MYO16: variants seen among roughly 807,000 people sequenced by gnomAD.
MYO16 encodes unconventional myosin-XVI.
In MYO16, 94 loss-of-function variants were observed where a neutral mutation model predicts 205.3. The observed-to-expected ratio is 0.46, with a 90% confidence interval of 0.39 to 0.54. The LOEUF (loss-of-function observed/expected upper bound fraction) is 0.54. Ranked by LOEUF, MYO16 falls within the 20% of genes least tolerant of loss-of-function variation. MYO16 has a pLI of 0.00. For missense variants in MYO16, 2,315 were observed against 2,387.5 expected, an observed-to-expected ratio of 0.97 and a Z score of 0.63; for synonymous variants, 988 against 954.0, an observed-to-expected ratio of 1.04 and a Z score of -0.66.
At chr13:108,586,628 C>G in the MYO16 span, among the ~76,000 whole-genome samples, 1 of 152,284 alleles carries the variant, frequency 6.6e-6, no homozygotes, top group Non-Finnish European at 1.5e-5. Flanking sequence ...TCCTTTTAAG[C>G]ATCAAATGTC....
At chr13:108,716,773 C>A (rs1379186435) in intron 3 of MYO16, among the ~76,000 whole-genome samples, 2 of 152,092 alleles carry the variant, frequency 1.3e-5, no homozygotes, top group Non-Finnish European at 2.9e-5. Flanking sequence ...GAATCAGCTG[C>A]AGAAATTACT....
At chr13:108,561,630 C>A in the MYO16 span, among the ~76,000 whole-genome samples, 1 of 152,196 alleles carries the variant, frequency 6.6e-6, no homozygotes, top group East Asian at 1.9e-4. Context: ...AAGGCACTAG[C>A]ACATTAAACT....
At chr13:108,731,786 G>A (rs1211143903) in intron 4 of MYO16, among the ~76,000 whole-genome samples, 1 of 152,126 alleles carries the variant, frequency 6.6e-6, no homozygotes, top group African/African-American at 2.4e-5. Context: ...TGCCCTGAGG[G>A]AAATTACAGT....
chr13:109,068,341 T>G (rs1202878887), intron 27 of MYO16, among the ~76,000 whole-genome samples: 4 of 152,138 alleles, frequency 2.6e-5, no homozygotes, highest in Admixed American at 1.3e-4. Flanking sequence ...GTGGGAAAGG[T>G]TAGAGAGTGG....
intron 4 of MYO16, among the ~76,000 whole-genome samples, chr13:108,781,893 C>T (rs1479122782): frequency 6.6e-6 from 1 of 152,250 alleles, no homozygotes; most frequent in African/African-American, 2.4e-5. Flanking sequence ...TAAGAAGAGC[C>T]TTTTACCTCC....
rs145978288 is a variant in MYO16, at chr13:108,975,855, C to T, written c.2369+10953C>T. Among the ~76,000 whole-genome samples, 345 of 152,214 alleles carry T rather than the reference C, an allele frequency of 2.3e-3. 6 individuals are homozygous for T. The East Asian group carries it at 0.064, about 28-fold the overall frequency. ...TAACTTCACATTTAAGTGTTTTCTG[C>T]CCTTTGGGACTATCCATGTCATTAA... On this transcript the variant is annotated intron_variant, in intron 20 of 34. Coordinates refer to ENST00000457511, the MANE Select transcript of MYO16 (RefSeq NM_001198950.3).
At chr13:108,573,682 G>A in the MYO16 span, among the ~76,000 whole-genome samples, 145 of 152,300 alleles carry the variant, frequency 9.5e-4, no homozygotes, top group Non-Finnish European at 1.7e-3. Context: ...CTCCTCACCA[G>A]ACTTCACGGG....
intron 20 of MYO16, 59 bp from the exon 21 acceptor site, chr13:108,992,317 G>C: frequency 8.1e-7 from 1 of 1,228,444 alleles, no homozygotes; most frequent in Non-Finnish European, 1.2e-6. Context: ...ATAATGAAAA[G>C]AGGGTCATGA....
the MYO16 span, among the ~76,000 whole-genome samples, chr13:108,550,983 C>T: frequency 1.3e-5 from 2 of 152,034 alleles, no homozygotes; most frequent in Admixed American, 1.3e-4. Context: ...TTGGTATTAC[C>T]CCTTGTGCCT....
intron 23 of MYO16, among the ~76,000 whole-genome samples, chr13:109,022,731 A>ATATATT (rs780506242): frequency 0.73 from 76,054 of 104,140 alleles, 29,791 homozygotes; most frequent in South Asian, 0.82. Flanking sequence ...AAACATATGT[A>ATATATT]TATATTATAT....
intron 1 of MYO16, among the ~76,000 whole-genome samples, chr13:108,657,214 T>C (rs1002717849): frequency 6.6e-5 from 10 of 152,232 alleles, no homozygotes; most frequent in African/African-American, 2.4e-4. Flanking sequence ...ATTGTCTAGC[T>C]CTTTGGACCT....
chr13:108,909,222 G>A (rs9521094), intron 15 of MYO16, among the ~76,000 whole-genome samples: 81,205 of 151,612 alleles, frequency 0.54, 22,353 homozygotes, highest in East Asian at 0.71. Flanking sequence ...TGGCGTTGTT[G>A]ATCAACTACT....
chr13:108,806,130 A>G (rs1467312701), intron 6 of MYO16, among the ~76,000 whole-genome samples: 1 of 152,036 alleles, frequency 6.6e-6, no homozygotes, highest in Non-Finnish European at 1.5e-5. Context: ...ATTAAAAAAG[A>G]AACTAAAACT....
Position 108,908,987 on chromosome 13 carries a change from A to AAAATAAAT in MYO16, c.1778-996_1778-989dup, listed in dbSNP as rs1331629581. Among the ~76,000 whole-genome samples the AAAATAAAT allele has an allele frequency of 7.1e-4, 105 of 148,904 alleles. 1 individual carries two copies. Among genetic ancestry groups the AAAATAAAT allele is most frequent in the African/African-American group, 2.5e-3 (101 of 40,556 alleles). On this transcript the variant is annotated intron_variant, in intron 15 of 34. Coordinates refer to ENST00000457511, the MANE Select transcript of MYO16 (RefSeq NM_001198950.3). ...GACTGTGTCTCAAAAAAAATAAAAT[A>AAAATAAAT]AAATAAATAAATAAATAAATAAATA... is the stretch of plus-strand genomic sequence containing the variant.
rs573313820 is a variant in MYO16 at position 108,662,580 on chromosome 13, C to T, written c.29-3306C>T. 2.8e-4 allele frequency among the ~76,000 whole-genome samples: 42 copies of T among 152,162 alleles called. No individual in the cohort carries two copies. The South Asian group carries it at 4.1e-3, about 15-fold the overall frequency. The stretch of plus-strand genomic sequence containing the variant: ...GGAACTGGGGGAAAGCCGGCAGTCA[C>T]GGGCCAGGCAAACCTAAGGGCTGAT... On this transcript the variant is annotated intron_variant, in intron 1 of 34. Coordinates refer to ENST00000457511, the MANE Select transcript of MYO16 (RefSeq NM_001198950.3).
chr13:109,012,490 T>A (rs1244716021), intron 22 of MYO16, among the ~76,000 whole-genome samples: 1 of 152,178 alleles, frequency 6.6e-6, no homozygotes, highest in Non-Finnish European at 1.5e-5. Flanking sequence ...GGTGACTGTA[T>A]CATTGTTTCA....
At chr13:108,600,913 A>G (rs1878738550) in intron 1 of MYO16, among the ~76,000 whole-genome samples, 1 of 152,132 alleles carries the variant, frequency 6.6e-6, no homozygotes, top group Non-Finnish European at 1.5e-5. Flanking sequence ...TCTTATTGAA[A>G]ATGGGCTTAT....
At chr13:108,978,687 A>G (rs1884355020) in intron 20 of MYO16, among the ~76,000 whole-genome samples, 1 of 151,888 alleles carries the variant, frequency 6.6e-6, no homozygotes, top group South Asian at 2.1e-4. Flanking sequence ...ATCTGTTGCT[A>G]TCAAATTTAC....
chr13:108,797,327 A>G (rs1886824911), intron 6 of MYO16, among the ~76,000 whole-genome samples: 1 of 152,238 alleles, frequency 6.6e-6, no homozygotes, highest in Non-Finnish European at 1.5e-5. Context: ...TTTGAGGAAC[A>G]TTAGCATATA....
Sources: allele counts gnomAD v4.1 joint callset (sites outside exome capture counted in the v4.1 genomes callset), GRCh38; gene constraint gnomAD v4.1.1; transcripts MANE v1.5; gene names NCBI Gene and HGNC (gene_info 2026-07-23, HGNC 2026-07-21).